The following HEPH variants were observed in gnomAD, a reference collection of about 807,000 sequenced individuals.
HEPH encodes the protein hephaestin.
In HEPH, 69 loss-of-function variants were observed where a neutral mutation model predicts 80.8. The ratio of observed to expected loss-of-function variants is 0.85; its 90% CI spans 0.70 to 1.04. The LOEUF (loss-of-function observed/expected upper bound fraction) is 1.04, where lower values mean the gene tolerates loss of function less well. Among genes scored for constraint, HEPH ranks in the 50% least tolerant of loss-of-function variants. The probability of loss-of-function intolerance (pLI) is 0.00; values close to 1 mark genes in which losing one functional copy is unlikely to be tolerated. For synonymous variants in HEPH, 431 were observed against 322.8 expected (o/e 1.34, Z -3.60); for missense variants, 1,115 against 891.3 (o/e 1.25, Z -3.20).
chrX:66,169,233 T>C (rs1320090699), intron 1 of HEPH, among the ~76,000 whole-genome samples: 1 of 112,064 alleles, frequency 8.9e-6, no homozygotes, highest in Non-Finnish European at 1.9e-5. Context: ...GTGTAAAACA[T>C]TTGGAACAGA....
chrX:66,231,523 T>C (rs2090141292), intron 15 of HEPH, among the ~76,000 whole-genome samples: 1 of 110,567 alleles, frequency 9.0e-6, no homozygotes, highest in Non-Finnish European at 1.9e-5. Flanking sequence ...CTAGGTATTT[T>C]ATTTTCTTTG....
chrX:66,220,390 C>G (rs1408560413), intron 15 of HEPH, among the ~76,000 whole-genome samples: 1 of 111,444 alleles, frequency 9.0e-6, no homozygotes, highest in Admixed American at 9.5e-5. Context: ...CAGTCCAACC[C>G]CATCGATTCC....
upstream of HEPH, among the ~76,000 whole-genome samples, chrX:66,163,584 G>C (rs773634675): frequency 1.1e-3 from 119 of 110,949 alleles, 1 homozygote; most frequent in African/African-American, 3.8e-3. Context: ...GTGGCCAGTA[G>C]GCTTTCAATA....
intron 17 of HEPH, among the ~76,000 whole-genome samples, chrX:66,258,230 T>C (rs928224749): frequency 9.0e-6 from 1 of 111,639 alleles, no homozygotes; most frequent in African/African-American, 3.3e-5. Context: ...CAATTTCTTA[T>C]GAGTTTCAGT....
intron 15 of HEPH, among the ~76,000 whole-genome samples, chrX:66,219,704 G>C (rs1184381840): frequency 1.8e-5 from 2 of 111,544 alleles, no homozygotes; most frequent in Non-Finnish European, 3.8e-5. Context: ...CTCTTTTTGT[G>C]GGAAGCACAG....
chrX:66,226,291 C>A (rs1208027268), intron 15 of HEPH, among the ~76,000 whole-genome samples: 1 of 111,387 alleles, frequency 9.0e-6, no homozygotes, highest in African/African-American at 3.3e-5. Context: ...GAGGGGTGGT[C>A]TCCTCCCTTA....
chrX:66,220,195 C>T (rs2089581805), intron 15 of HEPH, among the ~76,000 whole-genome samples: 1 of 111,586 alleles, frequency 9.0e-6, no homozygotes, highest in African/African-American at 3.3e-5. Flanking sequence ...AGTTCCTCTA[C>T]ATACATAACA....
At position 66,192,138 on chromosome X, in the gene HEPH, C is replaced by A; in HGVS notation, c.1072C>A (p.Gln358Lys). 8.3e-7 allele frequency: 1 copy of A among 1,205,714 alleles called. No individual in the cohort carries two copies. Among genetic ancestry groups the A allele is most frequent in the Non-Finnish European group, 1.1e-6 (1 of 892,333 alleles). Residue 358 changes from glutamine to lysine, a missense_variant, in exon 7 of 21, where the codon CAG (glutamine) becomes AAG (lysine). Around this residue, in one of 3 missense-constraint regions of HEPH, gnomAD observed 391 missense variants for 343.6 expected, o/e 1.14. Coordinates refer to ENST00000343002, the MANE Select transcript of HEPH (RefSeq NM_001367233.3). Reference sequence around the variant, plus strand: ...TAATGTTCTTCCTTCAGATGGCATGCAGGCACTCTACAAGGTCAAGTCTTG... The same window carrying A: ...TAATGTTCTTCCTTCAGATGGCATGAAGGCACTCTACAAGGTCAAGTCTTG... ...QVNSHFRDGM[Q>K]ALYKVKSCSM...
intron 15 of HEPH, among the ~76,000 whole-genome samples, chrX:66,251,992 G>A (rs1602531532): frequency 8.9e-6 from 1 of 111,926 alleles, no homozygotes; most frequent in Admixed American, 9.5e-5. Flanking sequence ...CATATGTTAT[G>A]AGAGGAACAA....
intron 15 of HEPH, among the ~76,000 whole-genome samples, chrX:66,230,972 T>A (rs2090108629): frequency 9.3e-6 from 1 of 107,515 alleles, no homozygotes; most frequent in Non-Finnish European, 1.9e-5. Flanking sequence ...AAGGAAAGGA[T>A]CCAGTTTCAG....
At position 66,173,816 on chromosome X, in the gene HEPH, G is replaced by C. The variant is rs5918591; in HGVS notation, c.625+15G>C. On this transcript the variant is annotated intron_variant, in intron 4 of 20. Coordinates refer to ENST00000343002, the MANE Select transcript of HEPH (RefSeq NM_001367233.3). The stretch of plus-strand genomic sequence containing the variant: ...CTGTAAAAGAGGTACAGGTCCCAAG[G>C]ATAAGCTATGAGGTGTAGTTTGGGA... 1 of 1,128,065 alleles carries C rather than the reference G, an allele frequency of 8.9e-7. No individual in the cohort carries two copies. Among genetic ancestry groups the C allele is most frequent in the Non-Finnish European group, 1.2e-6 (1 of 836,416 alleles). 93.0% of individuals were successfully genotyped at this position (1,128,065 alleles called of 1,213,427 possible). A position where few individuals can be genotyped will look rare whatever the true frequency, so the allele number is the denominator to read the frequency against.
intron 15 of HEPH, among the ~76,000 whole-genome samples, chrX:66,222,568 T>TA (rs1239408886): frequency 1.8e-5 from 2 of 111,943 alleles, no homozygotes; most frequent in Admixed American, 1.9e-4. Flanking sequence ...TTTGGGAAAT[T>TA]AAAAAAACTG....
In HEPH at chrX:66,255,050, A is replaced by C; in HGVS notation, c.2579A>C (p.Tyr860Ser). Residue 860 changes from tyrosine to serine, a missense_variant, in exon 16 of 21, where the codon TAT becomes TCT. Around this residue, in one of 3 missense-constraint regions of HEPH, gnomAD observed 716 missense variants for 523.5 expected, o/e 1.37. Transcript: ENST00000343002. ...LAAEPGEVVT[Y>S]QWNIPERSGP... The stretch of plus-strand genomic sequence containing the variant: ...ACACTTCTAGGTGAGGTGGTCACTT[A>C]TCAGTGGAACATCCCAGAGAGGTCT... The C allele has an allele frequency of 2.5e-6, 3 of 1,201,758 alleles. No individual in the cohort carries two copies. Among genetic ancestry groups the C allele is most frequent in the Non-Finnish European group, 3.4e-6 (3 of 888,714 alleles).
chrX:66,205,989 C>G (rs1396575229), intron 13 of HEPH, among the ~76,000 whole-genome samples: 1 of 111,014 alleles, frequency 9.0e-6, no homozygotes, highest in African/African-American at 3.3e-5. Flanking sequence ...TAGAATAAGT[C>G]CTGTCATCTC....
chrX:66,253,734 C>T (rs1057170729), intron 15 of HEPH, among the ~76,000 whole-genome samples: 1 of 112,131 alleles, frequency 8.9e-6, no homozygotes, highest in African/African-American at 3.2e-5. Flanking sequence ...TATGGTGTAT[C>T]TATTCAATGG....
intron 12 of HEPH, among the ~76,000 whole-genome samples, chrX:66,202,348 A>G (rs1432246295): frequency 8.9e-6 from 1 of 112,159 alleles, no homozygotes; most frequent in Non-Finnish European, 1.9e-5. Context: ...GTGCCAACTC[A>G]TAGAAGGCTT....
At chrX:66,237,044 A>G (rs1222969711) in intron 15 of HEPH, among the ~76,000 whole-genome samples, 6 of 110,095 alleles carry the variant, frequency 5.4e-5, no homozygotes, top group Admixed American at 1.9e-4. Context: ...AGTCTATTTT[A>G]TTAGTTACTT....
At chrX:66,259,100 C>G (rs2091274602) in intron 18 of HEPH, 121 bp downstream of exon 18, 1 of 742,291 alleles carries the variant, frequency 1.3e-6, no homozygotes, top group Non-Finnish European at 1.8e-6. Context: ...AGGTCTAGTA[C>G]ATGGAGCACT....
intron 15 of HEPH, among the ~76,000 whole-genome samples, chrX:66,221,716 A>G (rs1350439051): frequency 1.8e-5 from 2 of 112,950 alleles, no homozygotes; most frequent in Non-Finnish European, 3.7e-5. Flanking sequence ...TCGGGCTGAC[A>G]TGAGTTTTTC....
Sources: gnomAD v4.1 joint callset for allele counts (sites outside exome capture counted in the v4.1 genomes callset) on GRCh38, gnomAD v4.1.1 for gene constraint, gnomAD v4.1.1 regional missense constraint, MANE v1.5 for transcripts, NCBI Gene and HGNC (gene_info 2026-07-23, HGNC 2026-07-21) for gene names.